IBTK: variants seen among roughly 807,000 people sequenced by gnomAD.
IBTK encodes the protein inhibitor of Bruton tyrosine kinase.
IBTK carries 83 observed loss-of-function variants against 154.9 expected under a neutral mutation model. That is an observed-to-expected ratio of 0.54 (90% CI 0.45 to 0.64). The LOEUF (loss-of-function observed/expected upper bound fraction) is 0.64. IBTK is among the 30% of genes least tolerant of loss of function. IBTK has a pLI of 0.00. For missense variants in IBTK, 1,332 were observed against 1,584.6 expected (o/e 0.84, Z 2.71); for synonymous variants, 515 against 536.1 (o/e 0.96, Z 0.54).
intron 8 of IBTK, among the ~76,000 whole-genome samples, chr6:82,221,196 C>A (rs1402278862): frequency 6.6e-6 from 1 of 152,056 alleles, no homozygotes; most frequent in Non-Finnish European, 1.5e-5. Flanking sequence ...TGGTGATGCG[C>A]CCCTGTAGTC....
intron 11 of IBTK, 74 bp from the exon 12 acceptor site, chr6:82,214,903 C>A: frequency 6.9e-7 from 1 of 1,441,216 alleles, no homozygotes; most frequent in South Asian, 1.6e-5. Flanking sequence ...AGCCAATTCT[C>A]CTTTAAAATG....
chr6:82,212,708 AT>A lies in IBTK; in HGVS notation c.2289del (p.Lys763AsnfsTer8). The A allele has an allele frequency of 1.9e-6, 3 of 1,574,548 alleles. No homozygotes were observed. The highest frequency in any genetic ancestry group is 2.6e-6 in the Non-Finnish European group (3 of 1,144,578). On this transcript the variant is annotated frameshift_variant and splice_region_variant, in exon 13 of 29. Transcript: ENST00000306270. LOFTEE classifies it high-confidence loss of function. ...TGNKLKLSQK[K>X]CSFLCDVTMK... ...GTTAATCTTCCTTTCCTTACTTACC[AT>A]TTTTTCTGACTTAGCTTCAGTTTAT... is the stretch of plus-strand genomic sequence containing the variant.
chr6:82,208,279 T>C (rs529939108), intron 16 of IBTK, among the ~76,000 whole-genome samples: 1 of 152,058 alleles, frequency 6.6e-6, no homozygotes, highest in African/African-American at 2.4e-5. Context: ...TTTTTACTTG[T>C]TAATTACACC....
rs1390574513 is a variant in IBTK, at chr6:82,231,760, C to G, written c.501G>C (p.Glu167Asp). 6.2e-7 allele frequency: 1 copy of G among 1,610,162 alleles called. No individual in the cohort carries two copies. The highest frequency in any genetic ancestry group is 8.5e-7 in the Non-Finnish European group (1 of 1,177,684). ...CACTCCTGGAGAACAGATCCACCAA[C>G]TCTGGATGATGTTTGCTATTCTGGC... is the stretch of plus-strand genomic sequence containing the variant. The part of the protein sequence containing the change: ...HGSQNSKHHP[E>D]LVDLFSRSGI... The change falls in exon 4 of 29, where the codon GAG (glutamate) becomes GAC (aspartate). Residue 167 changes from glutamate (E) to aspartate (D), a missense_variant. Glu to Asp is a conservative substitution (Grantham distance 45). Coordinates refer to ENST00000306270, the MANE Select transcript of IBTK (RefSeq NM_015525.4).
chr6:82,224,222 A>G, intron 6 of IBTK, 37 bp from the exon 7 acceptor site: 2 of 1,382,626 alleles, frequency 1.4e-6, no homozygotes, highest in South Asian at 1.2e-5. Flanking sequence ...TTTACTATAT[A>G]TTTATGACCT....
intron 1 of IBTK, among the ~76,000 whole-genome samples, chr6:82,243,649 C>T (rs1205229805): frequency 6.6e-6 from 1 of 152,174 alleles, no homozygotes; most frequent in East Asian, 1.9e-4. Flanking sequence ...TTCAGGCATC[C>T]ACTGGGGGTT....
At position 82,227,257 on chromosome 6, in the gene IBTK, G is replaced by A; in HGVS notation, c.589C>T (p.Gln197Ter). ...GGACCATGACCACAGGTATAAACCT[G>A]CCCTTTCTGAGACAGAAACACGGAG... ...FHSVFLSQKG[Q>*]VYTCGHGPGG... The change falls in exon 5 of 29, where the codon CAG becomes TAG. Residue 197 changes from glutamine to a stop codon, truncating the protein, a stop_gained. Transcript: ENST00000306270. LOFTEE classifies it high-confidence loss of function. The A allele has an allele frequency of 6.2e-7, 1 of 1,610,774 alleles. No homozygotes were observed. The highest frequency in any genetic ancestry group is 8.5e-7 in the Non-Finnish European group (1 of 1,178,498).
At chr6:82,231,374 A>T (rs1008593169) in intron 4 of IBTK, among the ~76,000 whole-genome samples, 1 of 152,132 alleles carries the variant, frequency 6.6e-6, no homozygotes, top group East Asian at 1.9e-4. Context: ...CAACAAATTC[A>T]CTTGAGAAAC....
chr6:82,174,856 T>C lies in IBTK; in HGVS notation c.3726-1418A>G, dbSNP rs1050238187. On this transcript the variant is annotated intron_variant, in intron 26 of 28. Transcript: ENST00000306270. ...GAGAGATAACAAAAATCTGGTCTTT[T>C]TGATTTAGAGTACAGTGTTTTTTCC... 6 of 396,904 alleles carry C rather than the reference T, an allele frequency of 1.5e-5. No individual in the cohort carries two copies. The Admixed American group carries it at 1.6e-4, about 10-fold the overall frequency. 24.6% of individuals were successfully genotyped at this position (396,904 alleles called of 1,614,324 possible). A position where few individuals can be genotyped will look rare whatever the true frequency, so the allele number is the denominator to read the frequency against.
chr6:82,235,612 T>C (rs115894684), intron 2 of IBTK, among the ~76,000 whole-genome samples: 1 of 151,914 alleles, frequency 6.6e-6, no homozygotes, highest in African/African-American at 2.4e-5. Flanking sequence ...CAAAAAAAAA[T>C]TATCTGGAGA....
At chr6:82,213,446 T>A (rs1452006411) in intron 12 of IBTK, among the ~76,000 whole-genome samples, 1 of 152,162 alleles carries the variant, frequency 6.6e-6, no homozygotes, top group African/African-American at 2.4e-5. Flanking sequence ...GAATTTCAAA[T>A]AATCTGATTC....
In IBTK at chr6:82,240,516, A is replaced by G. The variant is rs1770899959; in HGVS notation, c.-30T>C. The G allele has an allele frequency of 6.4e-7, 1 of 1,558,736 alleles. No individual in the cohort carries two copies. Among genetic ancestry groups the G allele is most frequent in the African/African-American group, 1.4e-5 (1 of 73,154 alleles). On this transcript the variant is annotated 5_prime_UTR_variant, in exon 2 of 29. Coordinates refer to ENST00000306270, the MANE Select transcript of IBTK (RefSeq NM_015525.4). ...ACTGTTTTTATACCACTTACTTCAG[A>G]ATCGTGAAAACTAATTTTAAAAAAT...
At chr6:82,212,408 T>A (rs1034876907) in intron 13 of IBTK, among the ~76,000 whole-genome samples, 4 of 152,130 alleles carry the variant, frequency 2.6e-5, no homozygotes, top group Non-Finnish European at 5.9e-5. Flanking sequence ...TGGGGGCTAA[T>A]AACATTTCCT....
rs1285098243 is a variant in IBTK at position 82,231,770 on chromosome 6, T to G, written c.491A>C (p.His164Pro). ...TLGHGSQNSK[H>P]HPELVDLFSR... ...GAACAGATCCACCAACTCTGGATGA[T>G]GTTTGCTATTCTGGCTTCCATGACC... The change falls in exon 4 of 29, where the codon CAT becomes CCT. Residue 164 changes from histidine (H) to proline (P), a missense_variant. His to Pro is a moderately conservative substitution (Grantham distance 77). Around this residue, in one of 3 missense-constraint regions of IBTK, gnomAD observed 114 missense variants for 213.7 expected, o/e 0.53. Transcript: ENST00000306270. The G allele has an allele frequency of 6.2e-7, 1 of 1,610,270 alleles. No individual in the cohort carries two copies. The highest frequency in any genetic ancestry group is 8.5e-7 in the Non-Finnish European group (1 of 1,177,652).
chr6:82,223,758 A>T, intron 7 of IBTK, 138 bp from the exon 8 acceptor site: 1 of 673,804 alleles, frequency 1.5e-6, no homozygotes, highest in South Asian at 2.0e-5. Flanking sequence ...CTGGAGCTCG[A>T]GACCAGCCTG....
At chr6:82,200,952 CATT>C (rs1769188813) in intron 19 of IBTK, among the ~76,000 whole-genome samples, 1 of 151,780 alleles carries the variant, frequency 6.6e-6, no homozygotes, top group Non-Finnish European at 1.5e-5. Flanking sequence ...TATGTGGTGA[CATT>C]AACTAGAACA....
chr6:82,239,223 C>G (rs1056778541), intron 2 of IBTK, among the ~76,000 whole-genome samples: 1 of 151,630 alleles, frequency 6.6e-6, no homozygotes, highest in Non-Finnish European at 1.5e-5. Flanking sequence ...GGGTGGATCA[C>G]GAGGTCAGGA....
At chr6:82,224,339 CATACT>C (rs1770216462) in intron 6 of IBTK, among the ~76,000 whole-genome samples, 154 bp from the exon 7 acceptor site, 1 of 152,212 alleles carries the variant, frequency 6.6e-6, no homozygotes, top group Non-Finnish European at 1.5e-5. Context: ...TCTCAGCACT[CATACT>C]AAGACCTGAA....
chr6:82,235,048 A>G (rs1770664360), intron 2 of IBTK, among the ~76,000 whole-genome samples: 1 of 151,744 alleles, frequency 6.6e-6, no homozygotes, highest in Non-Finnish European at 1.5e-5. Context: ...TTTAGTAGAG[A>G]TGGGGTTTCA....
Sources: allele counts gnomAD v4.1 joint callset (sites outside exome capture counted in the v4.1 genomes callset), GRCh38; gene constraint gnomAD v4.1.1; regional missense constraint gnomAD v4.1.1; transcripts MANE v1.5; gene names NCBI Gene and HGNC (gene_info 2026-07-23, HGNC 2026-07-21).